Variants in COL9A3 observed in about 807,000 individuals in gnomAD.
COL9A3 encodes collagen alpha-3(IX) chain.
Under a neutral mutation model 110.2 loss-of-function variants are expected in COL9A3, and 82 were observed. The observed-to-expected ratio is 0.74, with a 90% CI of 0.62 to 0.89. COL9A3 has a LOEUF of 0.89. COL9A3 is among the 40% of genes least tolerant of loss of function. The pLI is 0.00. For missense variants in COL9A3, 1,066 were observed against 981.3 expected, an observed-to-expected ratio of 1.09 and a Z score of -1.15; for synonymous variants, 494 against 403.8, an observed-to-expected ratio of 1.22 and a Z score of -2.68.
Position 62,840,831 on chromosome 20 carries a change from A to C in COL9A3, c.*99A>C. On this transcript the variant is annotated 3_prime_UTR_variant, in exon 32 of 32. Transcript: ENST00000649368. ...CAGGCGGGTGACGTCCAGGAGAGGGAGCGCCCCTGGCTGCCCCTCGGCCGC... is the reference window on the plus strand; with the variant it reads ...CAGGCGGGTGACGTCCAGGAGAGGGCGCGCCCCTGGCTGCCCCTCGGCCGC... 3.4e-5 allele frequency: 49 copies of C among 1,422,982 alleles called. No individual in the cohort carries two copies. Among genetic ancestry groups the C allele is most frequent in the Non-Finnish European group, 4.6e-5 (48 of 1,032,982 alleles). The allele number at this position is 1,422,982 out of a possible 1,614,324, so 88.1% of individuals were successfully genotyped here. A position where few individuals can be genotyped will look rare whatever the true frequency, so the allele number is the denominator to read the frequency against.
chr20:62,817,493 G>A, intron 1 of COL9A3, 74 bp from the exon 2 acceptor site: 1 of 1,117,460 alleles, frequency 8.9e-7, no homozygotes, highest in Non-Finnish European at 1.3e-6. Flanking sequence ...AGCCGCTCGG[G>A]ACCCGGGAGG....
At position 62,829,694 on chromosome 20, in the gene COL9A3, G is replaced by T. The variant is rs767469394; in HGVS notation, c.1107+13G>T. 1 of 1,605,942 alleles carries T rather than the reference G, an allele frequency of 6.2e-7. No individual in the cohort carries two copies. Among genetic ancestry groups the T allele is most frequent in the Non-Finnish European group, 8.5e-7 (1 of 1,177,156 alleles). ...GCCAGGCGTCCCTGTGAGTATCTGC[G>T]GCGCCCCAGACCCCTCCCCATCCAG... On this transcript the variant is annotated intron_variant, in intron 21 of 31. Transcript: ENST00000649368.
intron 13 of COL9A3, 22 bp from the exon 14 acceptor site, chr20:62,826,182 C>A: frequency 6.4e-7 from 1 of 1,554,694 alleles, no homozygotes. Flanking sequence ...CCAGCCTCTG[C>A]ATCTGTGCCT....
At chr20:62,836,739 C>T (rs374936562) in intron 29 of COL9A3, 44 of 638,326 alleles carry the variant, frequency 6.9e-5, no homozygotes, top group Admixed American at 2.6e-4. Context: ...GCTCCCGCCC[C>T]GGATTCAACC....
chr20:62,832,737 C>T (rs2063606124), intron 25 of COL9A3: 1 of 266,404 alleles, frequency 3.8e-6, no homozygotes, highest in Admixed American at 6.9e-5. Context: ...TTCCATACCG[C>T]TGGAGGGCCT....
At position 62,837,591 on chromosome 20, in the gene COL9A3, G is replaced by A. The variant is rs567406097; in HGVS notation, c.1786+326G>A. 9.4e-5 allele frequency among the ~76,000 whole-genome samples: 14 copies of A among 149,578 alleles called. 1 individual carries two copies. The highest frequency in any genetic ancestry group is 2.1e-4 in the South Asian group (1 of 4,726). On this transcript the variant is annotated intron_variant, in intron 30 of 31. Transcript: ENST00000649368. ...TGGGGGGCTGAGGTGGGCAGATCAC[G>A]AGGTCGGGAGTTCAAGACCAGCCTG... is the stretch of plus-strand genomic sequence containing the variant.
At chr20:62,825,102 CG>C (rs1172606079) in intron 12 of COL9A3, 81 bp downstream of exon 12, 2 of 295,714 alleles carry the variant, frequency 6.8e-6, no homozygotes, top group African/African-American at 3.4e-5. Context: ...TGGGCTCCGG[CG>C]GGAGGGAGGG....
In COL9A3 at chr20:62,819,963, A is replaced by G; in HGVS notation, c.290A>G (p.Lys97Arg). The G allele has an allele frequency of 1.2e-6, 2 of 1,612,836 alleles. No homozygotes were observed. Among genetic ancestry groups the G allele is most frequent in the Non-Finnish European group, 1.7e-6 (2 of 1,179,956 alleles). Reference protein sequence around the residue: ...LTGRDGPPGPKGAPGERGSLG... With the variant: ...LTGRDGPPGPRGAPGERGSLG... ...GGACGAGATGGACCCCCTGGACCCA[A>G]GGGTGCCCCTGGGGAACGGGTAAGT... The change falls in exon 5 of 32, where the codon AAG becomes AGG. Residue 97 changes from lysine to arginine, a missense_variant. Coordinates refer to ENST00000649368, the MANE Select transcript of COL9A3 (RefSeq NM_001853.4).
At chr20:62,833,860 A>T (rs2063615372) in intron 26 of COL9A3, among the ~76,000 whole-genome samples, 1 of 144,522 alleles carries the variant, frequency 6.9e-6, no homozygotes. Context: ...CAGTCGACTA[A>T]TTTTTTGTGT....
At chr20:62,829,060 C>G in intron 19 of COL9A3, 84 bp downstream of exon 19, 1 of 1,433,002 alleles carries the variant, frequency 7.0e-7, no homozygotes, top group Non-Finnish European at 9.5e-7. Context: ...GTGGGTTGGT[C>G]ACTGTAGGGC....
Position 62,840,865 on chromosome 20 carries a change from C to G in COL9A3, c.*133C>G. On this transcript the variant is annotated 3_prime_UTR_variant, in exon 32 of 32. Transcript: ENST00000649368. The stretch of plus-strand genomic sequence containing the variant: ...GGCTGCCCCTCGGCCGCCGACTGGA[C>G]GCGCGGGCCTTGCCAGCGAGCACCC... The G allele has an allele frequency of 9.8e-7, 1 of 1,024,596 alleles. No individual in the cohort carries two copies. Among genetic ancestry groups the G allele is most frequent in the Non-Finnish European group, 1.5e-6 (1 of 680,746 alleles). 63.5% of individuals were successfully genotyped at this position (1,024,596 alleles called of 1,614,324 possible).
At chr20:62,819,093 G>T (rs1023867762) in intron 3 of COL9A3, 129 bp from the exon 4 acceptor site, 8 of 923,608 alleles carry the variant, frequency 8.7e-6, no homozygotes, top group Admixed American at 7.9e-5. Flanking sequence ...CAGTAGGGGG[G>T]ACCCAGGAGA....
rs771255280 is a variant in COL9A3 at position 62,824,479 on chromosome 20, C to T, written c.554C>T (p.Pro185Leu). 2.5e-6 allele frequency: 4 copies of T among 1,599,946 alleles called. No homozygotes were observed. The South Asian group carries it at 4.5e-5, about 18-fold the overall frequency. The change falls in exon 11 of 32, where the codon CCC becomes CTC. Residue 185 changes from proline (P) to leucine (L), a missense_variant. Transcript: ENST00000649368. ...ATCTGCCCGCCAGGTCCCCCAGGGC[C>T]CCCTGGAATGCCAGGGTTCAAGGTG... ...PSICPPGPPG[P>L]PGMPGFKGPT...
chr20:62,825,966 G>C lies in COL9A3; in HGVS notation c.684+96G>C, dbSNP rs555095986. Reference sequence around the variant, plus strand: ...TCTACCCCCGAGGGGGCCAGCTCCGGCTGGGGGGTGTTTGGCCAACACCCA... The same window carrying C: ...TCTACCCCCGAGGGGGCCAGCTCCGCCTGGGGGGTGTTTGGCCAACACCCA... On this transcript the variant is annotated intron_variant, in intron 13 of 31. Transcript: ENST00000649368. The C allele has an allele frequency of 1.1e-5, 15 of 1,385,396 alleles. No homozygotes were observed. In the South Asian group the frequency reaches 1.8e-4, roughly 17 times the overall value. 85.8% of individuals were successfully genotyped at this position (1,385,396 alleles called of 1,614,324 possible). A position where few individuals can be genotyped will look rare whatever the true frequency, so the allele number is the denominator to read the frequency against.
At chr20:62,837,590 C>T (rs570460908) in intron 30 of COL9A3, among the ~76,000 whole-genome samples, 1 of 152,058 alleles carries the variant, frequency 6.6e-6, no homozygotes, top group African/African-American at 2.4e-5. Context: ...GGGCAGATCA[C>T]GAGGTCGGGA....
At chr20:62,830,922 G>C (rs1036423911) in intron 24 of COL9A3, among the ~76,000 whole-genome samples, 5 of 150,958 alleles carry the variant, frequency 3.3e-5, no homozygotes, top group Admixed American at 2.6e-4. Context: ...TGGCGCCTTT[G>C]GCCCCTCTGA....
At chr20:62,822,078 TC>T in intron 8 of COL9A3, 32 bp from the exon 9 acceptor site, 1 of 1,380,720 alleles carries the variant, frequency 7.2e-7, no homozygotes, top group Non-Finnish European at 1.0e-6. Context: ...TGGGGGCTGG[TC>T]CCACTCTGTC....
At chr20:62,833,548 C>T (rs1359919860) in intron 26 of COL9A3, among the ~76,000 whole-genome samples, 4 of 151,762 alleles carry the variant, frequency 2.6e-5, no homozygotes, top group South Asian at 2.1e-4. Context: ...GGACTACAGG[C>T]GCCCGCCACC....
At chr20:62,818,631 A>G (rs1991015393) in intron 3 of COL9A3, 78 bp downstream of exon 3, 1 of 1,441,494 alleles carries the variant, frequency 6.9e-7, no homozygotes, top group Non-Finnish European at 9.8e-7. Flanking sequence ...GGGGTCATTG[A>G]TATCCTGTCT....
Sources: gnomAD v4.1 joint callset for allele counts (sites outside exome capture counted in the v4.1 genomes callset) on GRCh38, gnomAD v4.1.1 for gene constraint, MANE v1.5 for transcripts, NCBI Gene and HGNC (gene_info 2026-07-23, HGNC 2026-07-21) for gene names.